The following DPEP3 variants were observed in gnomAD, a reference collection of about 807,000 sequenced individuals.
The protein encoded by DPEP3 is dipeptidase 3.
DPEP3 carries 42 observed loss-of-function variants against 47.5 expected under a neutral mutation model. The observed-to-expected ratio is 0.88, with a 90% confidence interval of 0.69 to 1.14. The LOEUF is 1.14. DPEP3 is among the 50% of genes most tolerant of loss of function. DPEP3 has a pLI of 0.00. For missense variants in DPEP3, 560 were observed against 635.0 expected (o/e 0.88, Z 1.27); for synonymous variants, 276 against 270.2 (o/e 1.02, Z -0.21).
chr16:67,977,427 G>A (rs1333960987), intron 6 of DPEP3, 73 bp from the exon 7 acceptor site: 7 of 1,470,882 alleles, frequency 4.8e-6, no homozygotes, highest in Non-Finnish European at 6.6e-6. Context: ...TGGGGGCCCT[G>A]GTAGGACTGT....
chr16:67,976,071 C>A, intron 9 of DPEP3, 22 bp downstream of exon 9: 1 of 1,614,094 alleles, frequency 6.2e-7, no homozygotes, highest in Non-Finnish European at 8.5e-7. Flanking sequence ...ACTGAACCAT[C>A]CTGTCCACCA....
rs749658113 is a variant in DPEP3 at position 67,976,769 on chromosome 16, A to G, written c.1025T>C (p.Phe342Ser). ...LANVSTVADH[F>S]DHIRAVIGSE... Reference sequence around the variant, plus strand: ...TCCAATGACTGCCCTGATGTGGTCAAAGTGATCTAGGGTGGAGGTGAGGGT... The same window carrying G: ...TCCAATGACTGCCCTGATGTGGTCAGAGTGATCTAGGGTGGAGGTGAGGGT... The change falls in exon 8 of 10, where the codon TTT (phenylalanine) becomes TCT (serine). Residue 342 changes from phenylalanine to serine, a missense_variant. By Grantham distance (155) the Phe-to-Ser change is radical. Transcript: ENST00000268793. 1.2e-6 allele frequency: 2 copies of G among 1,613,974 alleles called. No homozygotes were observed. The highest frequency in any genetic ancestry group is 1.7e-5 in the Admixed American group (1 of 60,008).
In DPEP3 at chr16:67,980,478, G is replaced by C. The variant is rs554743775; in HGVS notation, c.-98C>G. 11 of 1,434,490 alleles carry C rather than the reference G, an allele frequency of 7.7e-6. No individual in the cohort carries two copies. The highest frequency in any genetic ancestry group is 8.2e-6 in the Non-Finnish European group (9 of 1,094,330). The allele number at this position is 1,434,490 out of a possible 1,614,324, so 88.9% of individuals were successfully genotyped here. On this transcript the variant is annotated 5_prime_UTR_variant, in exon 1 of 10. Coordinates refer to ENST00000268793, the MANE Select transcript of DPEP3 (RefSeq NM_001370198.1). ...CATGACGACCCAGCCTCCCGAAGAG[G>C]GGGTTGAAGTCACGCGACTCTGAGA...
rs370428559 is a variant in DPEP3, at chr16:67,978,573, G to A, written c.468C>T (p.Leu156=). The A allele has an allele frequency of 2.7e-5, 43 of 1,613,852 alleles. No homozygotes were observed. The highest frequency in any genetic ancestry group is 1.5e-4 in the Admixed American group (9 of 59,992). ...CQSQDQTAVR[L]ALEQIDLIHR... ...GAATGAGGTCAATCTGCTCCAGGGC[G>A]AGGCGCACGGCAGTCTGGTCCTGGG... The change falls in exon 3 of 10, where the codon CTC becomes CTT. Residue 156 remains leucine, a synonymous_variant. Transcript: ENST00000268793. The surrounding 1 kb of genome is among the most constrained non-coding windows in gnomAD (Gnocchi z 4.4).
chr16:67,978,472 G>A lies in DPEP3; in HGVS notation c.544+25C>T. 1 of 1,614,012 alleles carries A rather than the reference G, an allele frequency of 6.2e-7. No individual in the cohort carries two copies. The highest frequency in any genetic ancestry group is 8.5e-7 in the Non-Finnish European group (1 of 1,179,902). ...AACAGAACCTCCAGAGTGACATCCT[G>A]ACTACCTCTCATCTGCTGGCCCACC... On this transcript the variant is annotated intron_variant, in intron 3 of 9. Coordinates refer to ENST00000268793, the MANE Select transcript of DPEP3 (RefSeq NM_001370198.1). The surrounding 1 kb of genome is among the most constrained non-coding windows in gnomAD (Gnocchi z 4.4).
chr16:67,980,285 G>A lies in DPEP3; in HGVS notation c.96C>T (p.Pro32=), dbSNP rs1425325280. ...LLLLLLLLRQ[P]VTRAETTPGA... is the part of the protein sequence containing the mutation. Reference sequence around the variant, plus strand: ...CCGGCGTGGTCTCCGCGCGGGTTACGGGCTGCCGCAGCAGCAGCAGCAGTA... The same window carrying A: ...CCGGCGTGGTCTCCGCGCGGGTTACAGGCTGCCGCAGCAGCAGCAGCAGTA... The change falls in exon 1 of 10, where the codon CCC becomes CCT. Residue 32 remains proline (P), a synonymous_variant. Coordinates refer to ENST00000268793, the MANE Select transcript of DPEP3 (RefSeq NM_001370198.1). 6.3e-7 allele frequency: 1 copy of A among 1,579,978 alleles called. No individual in the cohort carries two copies. Among genetic ancestry groups the A allele is most frequent in the Non-Finnish European group, 8.6e-7 (1 of 1,164,862 alleles).
chr16:67,978,079 C>T lies in DPEP3; in HGVS notation c.687-72G>A. 1.3e-6 allele frequency: 2 copies of T among 1,587,176 alleles called. No homozygotes were observed. Among genetic ancestry groups the T allele is most frequent in the Admixed American group, 3.4e-5 (2 of 59,556 alleles). On this transcript the variant is annotated intron_variant, in intron 4 of 9. Transcript: ENST00000268793. This position sits in a 1 kb window ranked among gnomAD's most constrained non-coding sequence, Gnocchi z 4.4. ...CCATCACAGCCTGGGGGCCCTGGCT[C>T]TATCCATCCATCCTGCTTCCAGAAC...
rs772381907 is a variant in DPEP3, at chr16:67,980,479, G to A, written c.-99C>T. ...ATGACGACCCAGCCTCCCGAAGAGG[G>A]GGTTGAAGTCACGCGACTCTGAGAC... On this transcript the variant is annotated 5_prime_UTR_variant, in exon 1 of 10. Coordinates refer to ENST00000268793, the MANE Select transcript of DPEP3 (RefSeq NM_001370198.1). 7 of 1,434,336 alleles carry A rather than the reference G, an allele frequency of 4.9e-6. No individual in the cohort carries two copies. The highest frequency in any genetic ancestry group is 6.4e-6 in the Non-Finnish European group (7 of 1,094,192). 88.9% of individuals were successfully genotyped at this position (1,434,336 alleles called of 1,614,324 possible). A position where few individuals can be genotyped will look rare whatever the true frequency, so the allele number is the denominator to read the frequency against.
In DPEP3 at chr16:67,976,223, G is replaced by A; in HGVS notation, c.1100C>T (p.Pro367Leu). 1 of 1,614,132 alleles carries A rather than the reference G, an allele frequency of 6.2e-7. No homozygotes were observed. The highest frequency in any genetic ancestry group is 8.5e-7 in the Non-Finnish European group (1 of 1,180,010). Residue 367 changes from proline to leucine, a missense_variant, in exon 9 of 10, where the codon CCT becomes CTT. Pro to Leu is a moderately conservative substitution (Grantham distance 98). Transcript: ENST00000268793. ...TGTGGACACATCCTCCAGCCCCTGA[G>A]GGAACCTGTGTGGCCACCCACCAGC... Reference protein sequence around the residue: ...GGNYDGTGRFPQGLEDVSTYP... With the variant: ...GGNYDGTGRFLQGLEDVSTYP...
rs1425325280 is a variant in DPEP3, at chr16:67,980,285, G to C, written c.96C>G (p.Pro32=). 5.1e-6 allele frequency: 8 copies of C among 1,579,860 alleles called. No individual in the cohort carries two copies. The highest frequency in any genetic ancestry group is 1.9e-4 in the Middle Eastern group (1 of 5,366). ...CCGGCGTGGTCTCCGCGCGGGTTACGGGCTGCCGCAGCAGCAGCAGCAGTA... is the reference window on the plus strand; with the variant it reads ...CCGGCGTGGTCTCCGCGCGGGTTACCGGCTGCCGCAGCAGCAGCAGCAGTA... ...LLLLLLLLRQ[P]VTRAETTPGA... is the part of the protein sequence containing the mutation. The change falls in exon 1 of 10, where the codon CCC becomes CCG. Residue 32 remains proline, a synonymous_variant. Transcript: ENST00000268793.
Position 67,977,713 on chromosome 16 carries a change from T to G in DPEP3, c.873A>C (p.Ser291=). The change falls in exon 6 of 10, where the codon TCA becomes TCC. Residue 291 remains serine (S), a synonymous_variant. Coordinates refer to ENST00000268793, the MANE Select transcript of DPEP3 (RefSeq NM_001370198.1). ...VSQAPVIFSH[S]AARAVCDNLL... is the part of the protein sequence containing the mutation. ...AATTGTCACACACAGCTCTGGCAGC[T>G]GAGTGGGAGAAGATCACAGGAGCCT... The G allele has an allele frequency of 6.2e-7, 1 of 1,613,182 alleles. No individual in the cohort carries two copies. The highest frequency in any genetic ancestry group is 1.3e-5 in the African/African-American group (1 of 75,034).
intron 5 of DPEP3, 24 bp downstream of exon 5, chr16:67,977,914 G>A (rs762297176): frequency 6.2e-7 from 1 of 1,613,968 alleles, no homozygotes; most frequent in Non-Finnish European, 8.5e-7. Flanking sequence ...CAGGTGGGTT[G>A]GGGTACAAAA....
rs752101730 is a variant in DPEP3 at position 67,976,234 on chromosome 16, T to TG, written c.1095-7dup. On this transcript the variant is annotated splice_polypyrimidine_tract_variant and splice_region_variant and intron_variant, in intron 8 of 9. Transcript: ENST00000268793. ...CCTCCAGCCCCTGAGGGAACCTGTGTGGCCACCCACCAGCCAGCTGTGGGA... is the reference window on the plus strand; with the variant it reads ...CCTCCAGCCCCTGAGGGAACCTGTGTGGGCCACCCACCAGCCAGCTGTGGGA... The TG allele has an allele frequency of 2.5e-6, 4 of 1,613,974 alleles. No homozygotes were observed. The South Asian group carries it at 3.3e-5, about 13-fold the overall frequency.
intron 1 of DPEP3, 113 bp downstream of exon 1, chr16:67,979,981 A>G (rs1472480994): frequency 1.4e-6 from 2 of 1,424,034 alleles, no homozygotes; most frequent in Non-Finnish European, 1.9e-6. Context: ...GAGGGCATCC[A>G]GGGGTGGTGT....
rs1276790973 is a variant in DPEP3, at chr16:67,980,255, G to T, written c.126C>A (p.Ala42=). 6.2e-7 allele frequency: 1 copy of T among 1,602,538 alleles called. No individual in the cohort carries two copies. Among genetic ancestry groups the T allele is most frequent in the East Asian group, 2.2e-5 (1 of 44,600 alleles). ...AGCCCAGCGTGGAGAGGGCTCTGGG[G>T]GCGCCCGGCGTGGTCTCCGCGCGGG... is the stretch of plus-strand genomic sequence containing the variant. ...PVTRAETTPG[A]PRALSTLGSP... is the part of the protein sequence containing the mutation. Residue 42 remains alanine (A), a synonymous_variant, in exon 1 of 10, where the codon GCC becomes GCA. Coordinates refer to ENST00000268793, the MANE Select transcript of DPEP3 (RefSeq NM_001370198.1).
chr16:67,978,291 A>G lies in DPEP3; in HGVS notation c.662T>C (p.Leu221Pro). 6.2e-7 allele frequency: 1 copy of G among 1,614,166 alleles called. No homozygotes were observed. The highest frequency in any genetic ancestry group is 8.5e-7 in the Non-Finnish European group (1 of 1,180,020). ...CCATGGTGTACTGCAGGTGAAGGTA[A>G]GTGTCAGGTAGCGCACCCCCAGCAC... is the stretch of plus-strand genomic sequence containing the variant. The part of the protein sequence containing the change: ...FYVLGVRYLT[L>P]TFTCSTPWAE... The change falls in exon 4 of 10, where the codon CTT becomes CCT. Residue 221 changes from leucine (L) to proline (P), a missense_variant. Leu to Pro is a moderately conservative substitution (Grantham distance 98, BLOSUM62 -3). Transcript: ENST00000268793. The surrounding 1 kb of genome is among the most constrained non-coding windows in gnomAD (Gnocchi z 4.4).
Position 67,978,021 on chromosome 16 carries a change from A to G in DPEP3, c.687-14T>C. 6.2e-7 allele frequency: 1 copy of G among 1,613,886 alleles called. No homozygotes were observed. Among genetic ancestry groups the G allele is most frequent in the South Asian group, 1.1e-5 (1 of 91,076 alleles). The stretch of plus-strand genomic sequence containing the variant: ...GAACTCTCTGCCCTGCAGGACAGCC[A>G]TGGAAGGGCAATTTAGCTGATCACA... On this transcript the variant is annotated splice_polypyrimidine_tract_variant and intron_variant, in intron 4 of 9. Coordinates refer to ENST00000268793, the MANE Select transcript of DPEP3 (RefSeq NM_001370198.1). This position sits in a 1 kb window ranked among gnomAD's most constrained non-coding sequence, Gnocchi z 4.4.
intron 1 of DPEP3, 83 bp downstream of exon 1, chr16:67,980,011 C>T: frequency 6.6e-7 from 1 of 1,510,538 alleles, no homozygotes; most frequent in Non-Finnish European, 8.9e-7. Context: ...TCCTTGATAG[C>T]CTCCTTGATA....
In DPEP3 at chr16:67,977,292, A is replaced by G; in HGVS notation, c.996T>C (p.Leu332=). ...TACCTGCCACAGTGGACACGTTAGC[A>G]AGCAGGTTGCACTGCAGCACCCCCA... ...LSMGVLQCNL[L]ANVSTVADHF... is the part of the protein sequence containing the mutation. Residue 332 remains leucine (L), a synonymous_variant, in exon 7 of 10, where the codon CTT becomes CTC. Transcript: ENST00000268793. 1 of 1,613,900 alleles carries G rather than the reference A, an allele frequency of 6.2e-7. No individual in the cohort carries two copies. Among genetic ancestry groups the G allele is most frequent in the East Asian group, 2.2e-5 (1 of 44,886 alleles).
Sources: allele counts gnomAD v4.1 joint callset, GRCh38; gene constraint gnomAD v4.1.1; non-coding constraint Gnocchi (gnomAD v3.1); transcripts MANE v1.5; gene names NCBI Gene and HGNC (gene_info 2026-07-23, HGNC 2026-07-21).